The following CNTNAP5 variants were observed in gnomAD, a reference collection of about 807,000 sequenced individuals.
The protein encoded by CNTNAP5 is contactin associated protein family member 5.
A neutral mutation model predicts 150.2 loss-of-function variants in CNTNAP5; 72 were observed. The observed-to-expected ratio is 0.48, with a 90% CI of 0.40 to 0.58. The LOEUF is 0.58. CNTNAP5 is among the 20% of genes least tolerant of loss of function. The pLI is 0.00. For missense variants in CNTNAP5, 1,636 were observed against 1,626.2 expected, an observed-to-expected ratio of 1.01 and a Z score of -0.10; for synonymous variants, 672 against 619.8, an observed-to-expected ratio of 1.08 and a Z score of -1.25.
At chr2:124,347,117 C>T (rs982360154) in intron 3 of CNTNAP5, among the ~76,000 whole-genome samples, 3 of 151,770 alleles carry the variant, frequency 2.0e-5, no homozygotes, top group African/African-American at 7.3e-5. Context: ...AAATCCAGTA[C>T]TGTAAGATAA....
At chr2:124,560,292 G>A (rs1303877706) in intron 10 of CNTNAP5, among the ~76,000 whole-genome samples, 1 of 152,062 alleles carries the variant, frequency 6.6e-6, no homozygotes, top group East Asian at 1.9e-4. Flanking sequence ...TGGATCACCT[G>A]AGGTCAGGAG....
chr2:124,330,998 T>C (rs962055473), intron 3 of CNTNAP5, among the ~76,000 whole-genome samples: 11 of 152,186 alleles, frequency 7.2e-5, no homozygotes, highest in Admixed American at 7.2e-4. Context: ...AGTCCAGTTT[T>C]TGCATTAGTT....
rs529035783 is a variant in CNTNAP5, at chr2:124,299,665, A to G, written c.381+57272A>G. Among the ~76,000 whole-genome samples the G allele has an allele frequency of 3.9e-5, 6 of 152,238 alleles. No individual in the cohort carries two copies. The East Asian group carries it at 9.7e-4, about 25-fold the overall frequency. ...AATGAACATGTGCGTGCGTGTGTGT[A>G]GAAGCACTTGATTTCAAGCTACCAA... On this transcript the variant is annotated intron_variant, in intron 3 of 23. Coordinates refer to ENST00000682447, the MANE Select transcript of CNTNAP5 (RefSeq NM_001367498.1).
chr2:124,534,455 C>G (rs1321840927), intron 10 of CNTNAP5, among the ~76,000 whole-genome samples: 1 of 152,130 alleles, frequency 6.6e-6, no homozygotes, highest in Non-Finnish European at 1.5e-5. Flanking sequence ...AGGAAAGGGA[C>G]AGACAATTCC....
At chr2:124,892,474 A>G (rs1335647767) in intron 21 of CNTNAP5, among the ~76,000 whole-genome samples, 1 of 152,110 alleles carries the variant, frequency 6.6e-6, no homozygotes, top group Admixed American at 6.6e-5. Context: ...CATGTAGCAA[A>G]GAAAAAAATT....
chr2:124,821,687 G>C (rs1024786077), intron 19 of CNTNAP5, among the ~76,000 whole-genome samples: 1 of 152,128 alleles, frequency 6.6e-6, no homozygotes, highest in Non-Finnish European at 1.5e-5. Context: ...CTCGATCTTA[G>C]GAGAGGCTAT....
At chr2:124,623,426 T>C (rs1193367740) in intron 12 of CNTNAP5, among the ~76,000 whole-genome samples, 1 of 152,204 alleles carries the variant, frequency 6.6e-6, no homozygotes, top group African/African-American at 2.4e-5. Context: ...TTTATATGCA[T>C]CAATGAAAAC....
At chr2:124,134,243 T>G (rs889647403) in intron 1 of CNTNAP5, among the ~76,000 whole-genome samples, 1 of 152,152 alleles carries the variant, frequency 6.6e-6, no homozygotes, top group African/African-American at 2.4e-5. Flanking sequence ...TACCCTCATT[T>G]TCTTCCTGGA....
At chr2:124,227,042 C>G (rs1268655637) in intron 2 of CNTNAP5, among the ~76,000 whole-genome samples, 2 of 152,114 alleles carry the variant, frequency 1.3e-5, no homozygotes, top group Non-Finnish European at 2.9e-5. Context: ...AATACTGCCA[C>G]ATTGGGGATT....
chr2:124,818,149 C>T (rs768393515), intron 19 of CNTNAP5, among the ~76,000 whole-genome samples: 1 of 152,164 alleles, frequency 6.6e-6, no homozygotes, highest in Non-Finnish European at 1.5e-5. Context: ...CCTAACAGTG[C>T]GTTCACACCA....
At chr2:124,455,975 G>T (rs1173099460) in intron 6 of CNTNAP5, among the ~76,000 whole-genome samples, 1 of 152,158 alleles carries the variant, frequency 6.6e-6, no homozygotes, top group Non-Finnish European at 1.5e-5. Flanking sequence ...GTGGGGAAAA[G>T]TTGAAAGCAT....
At chr2:124,463,645 C>T (rs1257729469) in intron 6 of CNTNAP5, among the ~76,000 whole-genome samples, 1 of 152,150 alleles carries the variant, frequency 6.6e-6, no homozygotes, top group Non-Finnish European at 1.5e-5. Flanking sequence ...TTGCCTGAGA[C>T]AAGGGGGCAA....
chr2:124,821,570 G>A (rs1426414039), intron 19 of CNTNAP5, among the ~76,000 whole-genome samples: 1 of 152,216 alleles, frequency 6.6e-6, no homozygotes, highest in Non-Finnish European at 1.5e-5. Flanking sequence ...CATCTCCAGA[G>A]TAGAGTGCAA....
At position 124,368,906 on chromosome 2, in the gene CNTNAP5, A is replaced by T. The variant is rs553603524; in HGVS notation, c.382-48537A>T. On this transcript the variant is annotated intron_variant, in intron 3 of 23. Transcript: ENST00000682447. Reference sequence around the variant, plus strand: ...TGACGAGAGAAGCTAAGTGGCTGGGAACTCAAGGTTGGAAGAGAAATCTAC... The same window carrying T: ...TGACGAGAGAAGCTAAGTGGCTGGGTACTCAAGGTTGGAAGAGAAATCTAC... Among the ~76,000 whole-genome samples, 4 of 152,302 alleles carry T rather than the reference A, an allele frequency of 2.6e-5. No homozygotes were observed. In the South Asian group the frequency reaches 8.3e-4, roughly 32 times the overall value.
intron 3 of CNTNAP5, among the ~76,000 whole-genome samples, chr2:124,334,570 C>G (rs1225650828): frequency 6.6e-6 from 1 of 152,096 alleles, no homozygotes; most frequent in East Asian, 1.9e-4. Flanking sequence ...AAAAATGTGG[C>G]TGTTTTTAAT....
chr2:124,567,775 A>G (rs1696057319), intron 11 of CNTNAP5, among the ~76,000 whole-genome samples: 1 of 152,166 alleles, frequency 6.6e-6, no homozygotes, highest in Admixed American at 6.5e-5. Context: ...CTACTTTATT[A>G]CAAATCCAAA....
At chr2:124,140,044 T>C (rs1388997519) in intron 1 of CNTNAP5, among the ~76,000 whole-genome samples, 9 of 151,624 alleles carry the variant, frequency 5.9e-5, no homozygotes, top group Non-Finnish European at 1.3e-4. Flanking sequence ...ACCTGGAAAA[T>C]CGGGTCACTC....
At position 124,562,640 on chromosome 2, in the gene CNTNAP5, C is replaced by T. The variant is rs1305240004; in HGVS notation, c.1650-577C>T. Among the ~76,000 whole-genome samples the T allele has an allele frequency of 2.6e-5, 4 of 152,084 alleles. No homozygotes were observed. In the South Asian group the frequency reaches 8.3e-4, roughly 32 times the overall value. ...TTTCAGAATAGCCATGTTATTTTGA[C>T]CTTAAGTAGTGAAGCCTTTGTTTTA... is the stretch of plus-strand genomic sequence containing the variant. On this transcript the variant is annotated intron_variant, in intron 10 of 23. Transcript: ENST00000682447.
At chr2:124,762,529 C>T (rs914852241) in intron 14 of CNTNAP5, among the ~76,000 whole-genome samples, 5 of 151,994 alleles carry the variant, frequency 3.3e-5, no homozygotes, top group Non-Finnish European at 7.4e-5. Flanking sequence ...GAGCATTTAC[C>T]GTAGATCAGG....
Sources: gnomAD v4.1 joint callset for allele counts (sites outside exome capture counted in the v4.1 genomes callset) on GRCh38, gnomAD v4.1.1 for gene constraint, MANE v1.5 for transcripts, NCBI Gene and HGNC (gene_info 2026-07-23, HGNC 2026-07-21) for gene names.